The following SPTAN1 variants were observed in gnomAD, a reference collection of about 807,000 sequenced individuals.
The protein encoded by SPTAN1 is spectrin alpha, non-erythrocytic 1.
SPTAN1 carries 61 observed loss-of-function variants against 331.3 expected under a neutral mutation model. The ratio of observed to expected loss-of-function variants is 0.18; its 90% CI spans 0.15 to 0.23. SPTAN1 has a LOEUF of 0.23. SPTAN1 is among the 10% of genes least tolerant of loss of function. SPTAN1 has a pLI of 1.00. For missense variants in SPTAN1, 2,043 were observed against 3,147.9 expected, an observed-to-expected ratio of 0.65 and a Z score of 8.40; for synonymous variants, 1,153 against 1,173.9, an observed-to-expected ratio of 0.98 and a Z score of 0.36.
intron 26 of SPTAN1, 172 bp downstream of exon 26, chr9:128,599,158 G>A (rs945500730): frequency 6.6e-5 from 47 of 714,708 alleles, no homozygotes; most frequent in East Asian, 1.4e-4. Context: ...TTTTTGAGAC[G>A]GAGTCTCACT....
chr9:128,632,344 C>T (rs759921453), intron 53 of SPTAN1, 21 bp downstream of exon 53: 3 of 1,613,300 alleles, frequency 1.9e-6, no homozygotes, highest in Admixed American at 3.3e-5. Flanking sequence ...GGGCTGTGGG[C>T]CAGGCTCAGC....
At position 128,618,020 on chromosome 9, in the gene SPTAN1, GACA is replaced by G. The variant is rs1857387109; in HGVS notation, c.5516_5518del (p.Asn1839del). ...GGACACTGGCAAGAAGCTGTCCGAT[GACA>G]ACACCATCGGGAAAGAGGAGATCCA... is the stretch of plus-strand genomic sequence containing the variant. On this transcript the variant is annotated inframe_deletion, in exon 43 of 57. Coordinates refer to ENST00000372739, the MANE Select transcript of SPTAN1 (RefSeq NM_001130438.3). The G allele has an allele frequency of 3.1e-6, 5 of 1,614,094 alleles. No individual in the cohort carries two copies. Among genetic ancestry groups the G allele is most frequent in the Non-Finnish European group, 4.2e-6 (5 of 1,180,010 alleles).
intron 53 of SPTAN1, 22 bp from the exon 54 acceptor site, chr9:128,632,409 C>CTAAT: frequency 3.1e-6 from 5 of 1,614,010 alleles, no homozygotes; most frequent in East Asian, 2.2e-5. Context: ...GGTCTGTTCC[C>CTAAT]TAATTTCTGT....
At chr9:128,579,765 A>C in intron 10 of SPTAN1, 27 bp downstream of exon 10, 6 of 1,570,292 alleles carry the variant, frequency 3.8e-6, no homozygotes, top group Non-Finnish European at 5.3e-6. Context: ...GGAGCTTTTG[A>C]GGAGCAAATT....
intron 1 of SPTAN1, among the ~76,000 whole-genome samples, chr9:128,559,522 G>T (rs891727108): frequency 6.6e-6 from 1 of 152,186 alleles, no homozygotes; most frequent in East Asian, 1.9e-4. Flanking sequence ...TCTTTCAGGA[G>T]CTCGTGTGCA....
At chr9:128,591,900 CT>C (rs975666753) in intron 22 of SPTAN1, among the ~76,000 whole-genome samples, 3 of 152,280 alleles carry the variant, frequency 2.0e-5, no homozygotes, top group Admixed American at 6.5e-5. Context: ...GTTCGAGATG[CT>C]TTTTGAAATT....
intron 40 of SPTAN1, among the ~76,000 whole-genome samples, chr9:128,614,407 C>T (rs1270143845): frequency 1.3e-5 from 2 of 150,422 alleles, no homozygotes; most frequent in Admixed American, 1.3e-4. Flanking sequence ...GCTTGGGTAA[C>T]ACAGTGAAAC....
intron 16 of SPTAN1, 82 bp downstream of exon 16, chr9:128,584,051 A>G: frequency 6.4e-7 from 1 of 1,571,950 alleles, no homozygotes; most frequent in Non-Finnish European, 8.7e-7. Context: ...TTGAGACTAA[A>G]TGAATTTTGG....
rs1387599261 is a variant in SPTAN1 at position 128,579,733 on chromosome 9, G to A, written c.1318G>A (p.Glu440Lys). 1 of 1,613,120 alleles carries A rather than the reference G, an allele frequency of 6.2e-7. No individual in the cohort carries two copies. Among genetic ancestry groups the A allele is most frequent in the Non-Finnish European group, 8.5e-7 (1 of 1,179,286 alleles). Residue 440 changes from glutamate (E) to lysine (K), a missense_variant, in exon 10 of 57, where the codon GAG becomes AAG. Physicochemically the swap from Glu to Lys is moderately conservative, Grantham distance 56. Transcript: ENST00000372739. ...TCACTATGCCTCAGATGAAGTGAGGGAGAAGGTAAGAGAAGAGAAATGGAG... is the reference window on the plus strand; with the variant it reads ...TCACTATGCCTCAGATGAAGTGAGGAAGAAGGTAAGAGAAGAGAAATGGAG... ...AGHYASDEVR[E>K]KLTVLSEERA... is the part of the protein sequence containing the mutation.
At position 128,617,653 on chromosome 9, in the gene SPTAN1, C is replaced by T; in HGVS notation, c.5371C>T (p.Leu1791=). ...TCTCTCATTCAGGGAGAAGAAGCTG[C>T]TGGTGGGCTCAGAGGACTACGGCCG... ...EESWIKEKKL[L]VGSEDYGRDL... is the part of the protein sequence containing the mutation. Residue 1791 remains leucine, a synonymous_variant, in exon 42 of 57, where the codon CTG becomes TTG. Coordinates refer to ENST00000372739, the MANE Select transcript of SPTAN1 (RefSeq NM_001130438.3). 6.2e-7 allele frequency: 1 copy of T among 1,614,144 alleles called. No individual in the cohort carries two copies. The highest frequency in any genetic ancestry group is 8.5e-7 in the Non-Finnish European group (1 of 1,179,992).
At position 128,632,121 on chromosome 9, in the gene SPTAN1, C is replaced by G. The variant is rs543227930; in HGVS notation, c.6763-6C>G. 1 of 1,612,896 alleles carries G rather than the reference C, an allele frequency of 6.2e-7. No individual in the cohort carries two copies. Among genetic ancestry groups the G allele is most frequent in the East Asian group, 2.2e-5 (1 of 44,860 alleles). ...GTCTGAGCATCTGTGCTCCCCACCC[C>G]TGCAGCGCAAGCACCAGGAAATCCG... On this transcript the variant is annotated splice_region_variant and splice_polypyrimidine_tract_variant and intron_variant, in intron 52 of 56. Transcript: ENST00000372739.
rs763177607 is a variant in SPTAN1, at chr9:128,603,039, A to AT, written c.3580-498dup. 2.6e-5 allele frequency among the ~76,000 whole-genome samples: 4 copies of AT among 151,966 alleles called. No homozygotes were observed. In the South Asian group the frequency reaches 8.4e-4, roughly 32 times the overall value. ...TTGTTGAAAGCTAATTCACTGCTTT[A>AT]TTTTTTCCCTCTGGTAAAGCCGTTG... is the stretch of plus-strand genomic sequence containing the variant. On this transcript the variant is annotated intron_variant, in intron 27 of 56. Coordinates refer to ENST00000372739, the MANE Select transcript of SPTAN1 (RefSeq NM_001130438.3).
chr9:128,614,716 AGT>A (rs894915829), intron 40 of SPTAN1, among the ~76,000 whole-genome samples: 5 of 152,148 alleles, frequency 3.3e-5, no homozygotes, highest in African/African-American at 1.2e-4. Context: ...TTGAGGCTGC[AGT>A]GTGTGTGTCA....
At chr9:128,631,896 G>A (rs375340239) in intron 52 of SPTAN1, 2 of 574,014 alleles carry the variant, frequency 3.5e-6, no homozygotes, top group African/African-American at 3.7e-5. Flanking sequence ...CTGCCCTCTG[G>A]CAGGTCTACC....
In SPTAN1 at chr9:128,608,270, C is replaced by T. The variant is rs767175912; in HGVS notation, c.4485C>T (p.Asn1495=). Residue 1495 remains asparagine (N), a synonymous_variant, in exon 34 of 57, where the codon AAC becomes AAT. Coordinates refer to ENST00000372739, the MANE Select transcript of SPTAN1 (RefSeq NM_001130438.3). ...KKHEDFDKAI[N]VQEEKIAALQ... is the part of the protein sequence containing the mutation. ...ATGAAGACTTTGACAAAGCGATTAA[C>T]GTCCAGGTGAGGCCTCTGGACCATG... 1.4e-4 allele frequency: 228 copies of T among 1,614,038 alleles called. No individual in the cohort carries two copies. The highest frequency in any genetic ancestry group is 2.0e-4 in the East Asian group (9 of 44,898).
intron 31 of SPTAN1, among the ~76,000 whole-genome samples, chr9:128,605,889 G>T (rs1472567201): frequency 1.3e-5 from 2 of 151,954 alleles, no homozygotes; most frequent in Non-Finnish European, 2.9e-5. Context: ...CTACTCAGGA[G>T]GCTGAGGCAG....
At chr9:128,586,245 A>G (rs1445446152) in intron 19 of SPTAN1, among the ~76,000 whole-genome samples, 2 of 150,874 alleles carry the variant, frequency 1.3e-5, no homozygotes, top group African/African-American at 4.9e-5. Context: ...CAGCCTCCCA[A>G]GTAGTTGGAA....
intron 1 of SPTAN1, among the ~76,000 whole-genome samples, chr9:128,555,737 G>T (rs1848567389): frequency 6.6e-6 from 1 of 150,382 alleles, no homozygotes; most frequent in South Asian, 2.1e-4. Flanking sequence ...TTTTATTGGT[G>T]GCTACTTGGT....
In SPTAN1 at chr9:128,583,152, A is replaced by G; in HGVS notation, c.1882A>G (p.Ile628Val). Reference sequence around the variant, plus strand: ...TGAGCTCTCAGCAAACCAGAGCCGAATTGATGCCTTGGAGAAAGCTGGCCA... The same window carrying G: ...TGAGCTCTCAGCAAACCAGAGCCGAGTTGATGCCTTGGAGAAAGCTGGCCA... ...EAELSANQSR[I>V]DALEKAGQKL... is the part of the protein sequence containing the mutation. Residue 628 changes from isoleucine (I) to valine (V), a missense_variant, in exon 15 of 57, where the codon ATT becomes GTT. By Grantham distance (29) the Ile-to-Val change is conservative. Around this residue, in one of 12 missense-constraint regions of SPTAN1, gnomAD observed 1,038 missense variants for 1,531.5 expected, o/e 0.68. Transcript: ENST00000372739. The G allele has an allele frequency of 6.2e-7, 1 of 1,614,198 alleles. No individual in the cohort carries two copies. The highest frequency in any genetic ancestry group is 1.1e-5 in the South Asian group (1 of 91,090).
Sources: allele counts gnomAD v4.1 joint callset (sites outside exome capture counted in the v4.1 genomes callset), GRCh38; gene constraint gnomAD v4.1.1; regional missense constraint gnomAD v4.1.1; transcripts MANE v1.5; gene names NCBI Gene and HGNC (gene_info 2026-07-23, HGNC 2026-07-21).